MFSD11: variants seen among roughly 807,000 people sequenced by gnomAD.
MFSD11 encodes the protein major facilitator superfamily domain containing 11.
A neutral mutation model predicts 53.5 loss-of-function variants in MFSD11; 36 were observed. That is an observed-to-expected ratio of 0.67 (90% confidence interval 0.52 to 0.89). The LOEUF is 0.89. MFSD11 is among the 40% of genes least tolerant of loss of function. The pLI, the probability that MFSD11 is intolerant of heterozygous loss-of-function variation, is 0.00. For synonymous variants in MFSD11, 186 were observed against 184.9 expected (o/e 1.01, Z -0.05); for missense variants, 530 against 543.9 (o/e 0.97, Z 0.25).
intron 7 of MFSD11, among the ~76,000 whole-genome samples, chr17:76,749,809 G>A (rs1244402834): frequency 6.7e-6 from 1 of 150,292 alleles, no homozygotes; most frequent in Non-Finnish European, 1.5e-5. Flanking sequence ...AGAATCGCTT[G>A]AACCAGGGAG....
In MFSD11 at chr17:76,742,007, C is replaced by G. The variant is rs2078129625; in HGVS notation, c.299C>G (p.Ser100Cys). The part of the protein sequence containing the change: ...IAVFIQPFPW[S>C]FYTASVFIGI... Reference sequence around the variant, plus strand: ...GTTTTCATCCAGCCTTTCCCGTGGTCCTTCTACACAGCCTCTGTTTTCATT... The same window carrying G: ...GTTTTCATCCAGCCTTTCCCGTGGTGCTTCTACACAGCCTCTGTTTTCATT... The change falls in exon 4 of 13, where the codon TCC becomes TGC. Residue 100 changes from serine to cysteine, a missense_variant. Transcript: ENST00000685175. The G allele has an allele frequency of 6.2e-7, 1 of 1,614,116 alleles. No homozygotes were observed. Among genetic ancestry groups the G allele is most frequent in the Non-Finnish European group, 8.5e-7 (1 of 1,180,026 alleles).
intron 10 of MFSD11, among the ~76,000 whole-genome samples, chr17:76,772,514 CTTTTT>C (rs1253072933): frequency 7.5e-6 from 1 of 132,966 alleles, no homozygotes. Flanking sequence ...ACCTTAGTAA[CTTTTT>C]TTTTTTTTTT....
At chr17:76,792,432 A>G in the MFSD11 span, among the ~76,000 whole-genome samples, 1 of 146,096 alleles carries the variant, frequency 6.8e-6, no homozygotes, top group South Asian at 2.1e-4. Flanking sequence ...GCGTTCTTTT[A>G]TTTTTCTTTT....
chr17:76,774,907 GTTT>G lies in MFSD11; in HGVS notation c.875-89_875-87del. 4 of 1,324,850 alleles carry G rather than the reference GTTT, an allele frequency of 3.0e-6. No homozygotes were observed. The South Asian group carries it at 5.8e-5, about 19-fold the overall frequency. The allele number at this position is 1,324,850 out of a possible 1,614,324, so 82.1% of individuals were successfully genotyped here. A position where few individuals can be genotyped will look rare whatever the true frequency, so the allele number is the denominator to read the frequency against. On this transcript the variant is annotated intron_variant, in intron 10 of 12. Transcript: ENST00000685175. ...TTGAAGAAATTTAACAAGTGAGAAT[GTTT>G]ATTCCTTGGCTCCTTGGTGGTAACT...
rs2078025877 is a variant in MFSD11, at chr17:76,740,971, A to G, written c.167A>G (p.Tyr56Cys). Residue 56 changes from tyrosine (Y) to cysteine (C), a missense_variant, in exon 3 of 13, where the codon TAT becomes TGT. By Grantham distance (194) the Tyr-to-Cys change is radical (BLOSUM62 -2). Coordinates refer to ENST00000685175, the MANE Select transcript of MFSD11 (RefSeq NM_001242532.5). ...TATGTGTGCAGCATGGCTATTATCT[A>G]TGGAGTGTTCTCTGCTTCAAATTTG... ...GSGYTSMAII[Y>C]GVFSASNLIT... 2 of 1,588,768 alleles carry G rather than the reference A, an allele frequency of 1.3e-6. No individual in the cohort carries two copies. The highest frequency in any genetic ancestry group is 1.4e-5 in the African/African-American group (1 of 69,234).
chr17:76,801,235 CTT>C, the MFSD11 span, among the ~76,000 whole-genome samples: 1 of 151,640 alleles, frequency 6.6e-6, no homozygotes, highest in Non-Finnish European at 1.5e-5. Context: ...CTACAAAAAA[CTT>C]AAAAAATTAG....
At chr17:76,757,496 T>A (rs1395212680) in intron 8 of MFSD11, among the ~76,000 whole-genome samples, 2 of 152,190 alleles carry the variant, frequency 1.3e-5, no homozygotes, top group African/African-American at 4.8e-5. Flanking sequence ...CAGTGCTTCA[T>A]TTATTAATTA....
intron 9 of MFSD11, among the ~76,000 whole-genome samples, chr17:76,768,300 C>T (rs995746876): frequency 6.4e-5 from 9 of 140,296 alleles, no homozygotes; most frequent in African/African-American, 1.9e-4. Flanking sequence ...TAAAGACCTC[C>T]GTCTCAAAAA....
chr17:76,737,430 C>G (rs1487617063), upstream of MFSD11: 2 of 388,740 alleles, frequency 5.1e-6, no homozygotes, highest in Non-Finnish European at 9.3e-6. Context: ...CACCGCGCCC[C>G]GCTTCGTAAC....
chr17:76,768,736 G>A (rs1257733936), intron 9 of MFSD11, among the ~76,000 whole-genome samples: 1 of 152,078 alleles, frequency 6.6e-6, no homozygotes, highest in Admixed American at 6.6e-5. Context: ...TGTAATCCCA[G>A]CACTTTGGGA....
chr17:76,740,892 T>G (rs1025466604), intron 2 of MFSD11, 65 bp from the exon 3 acceptor site: 15 of 881,690 alleles, frequency 1.7e-5, no homozygotes, highest in African/African-American at 5.1e-5. Flanking sequence ...TTTTAAACAG[T>G]GACACAGCAT....
At chr17:76,760,723 GT>G (rs959772187) in intron 8 of MFSD11, among the ~76,000 whole-genome samples, 7 of 151,902 alleles carry the variant, frequency 4.6e-5, no homozygotes, top group African/African-American at 1.7e-4. Context: ...TAGAAGTGGG[GT>G]TTTGTTATGT....
rs529103025 is a variant in MFSD11 at position 76,758,012 on chromosome 17, A to G, written c.682+3925A>G. ...GTGACAGAGCGAGACTGTGTCTCAA[A>G]AAAAAAACAAAAAATGTTCTCAAAG... On this transcript the variant is annotated intron_variant, in intron 8 of 12. Coordinates refer to ENST00000685175, the MANE Select transcript of MFSD11 (RefSeq NM_001242532.5). 2.5e-4 allele frequency among the ~76,000 whole-genome samples: 38 copies of G among 151,870 alleles called. 1 individual carries two copies. The highest frequency in any genetic ancestry group is 8.2e-4 in the African/African-American group (34 of 41,540).
upstream of MFSD11, chr17:76,736,747 GGCCTCCCGCGCGCCCCGCCCC>G (rs953594529): frequency 1.2e-4 from 166 of 1,392,998 alleles, no homozygotes; most frequent in Middle Eastern, 5.2e-4. Context: ...AGGTCGCCCG[GGCCTCCCGCGCGCCCCGCCCC>G]GCCTCCCGCG....
At chr17:76,765,244 C>G (rs1003071087) in intron 8 of MFSD11, among the ~76,000 whole-genome samples, 6 of 151,980 alleles carry the variant, frequency 3.9e-5, no homozygotes, top group African/African-American at 1.5e-4. Context: ...TGTAGTCACG[C>G]CATTTGCTGA....
chr17:76,799,811 AG>A, the MFSD11 span, among the ~76,000 whole-genome samples: 4 of 152,092 alleles, frequency 2.6e-5, no homozygotes, highest in African/African-American at 7.2e-5. Context: ...ATATTCTATT[AG>A]GGGAAAAAAA....
intron 7 of MFSD11, among the ~76,000 whole-genome samples, chr17:76,749,854 C>T (rs1363972114): frequency 1.3e-5 from 2 of 148,990 alleles, no homozygotes; most frequent in African/African-American, 5.0e-5. Context: ...TGCACCGCAG[C>T]ACTCCAGCCT....
chr17:76,755,699 C>CAT (rs558837821), intron 8 of MFSD11, among the ~76,000 whole-genome samples: 133 of 131,838 alleles, frequency 1.0e-3, no homozygotes, highest in African/African-American at 3.7e-3. Context: ...TAGTTTTTTA[C>CAT]ATATATATAT....
chr17:76,761,454 C>CTATATAGATGTA, intron 8 of MFSD11, among the ~76,000 whole-genome samples: 1 of 151,928 alleles, frequency 6.6e-6, no homozygotes, highest in East Asian at 1.9e-4. Flanking sequence ...AATAGATTAC[C>CTATATAGATGTA]CTAGCCATAA....
Sources: allele counts gnomAD v4.1 joint callset (sites outside exome capture counted in the v4.1 genomes callset), GRCh38; gene constraint gnomAD v4.1.1; transcripts MANE v1.5; gene names NCBI Gene and HGNC (gene_info 2026-07-23, HGNC 2026-07-21).